Variants in GAD1 observed in about 807,000 individuals in gnomAD.
GAD1 encodes 67 kDa glutamic acid decarboxylase.
Under a neutral mutation model 75.2 loss-of-function variants are expected in GAD1, and 35 were observed. The observed-to-expected ratio is 0.47, with a 90% CI of 0.36 to 0.62. GAD1 has a LOEUF of 0.62. Among genes scored for constraint, GAD1 ranks in the 20% least tolerant of loss-of-function variants. The probability of loss-of-function intolerance (pLI) is 0.00; values close to 1 mark genes in which losing one functional copy is unlikely to be tolerated. For missense variants in GAD1, 490 were observed against 758.5 expected (o/e 0.65, Z 4.16); for synonymous variants, 257 against 271.9 (o/e 0.95, Z 0.54).
Position 170,818,222 on chromosome 2 carries a change from GACCCCC to G in GAD1, c.-63-301_-63-296del, listed in dbSNP as rs1263729262. The G allele has an allele frequency of 1.5e-5, 5 of 331,900 alleles. No homozygotes were observed. Among genetic ancestry groups the G allele is most frequent in the Non-Finnish European group, 2.3e-5 (4 of 171,388 alleles). The allele number at this position is 331,900 out of a possible 1,614,324, so 20.6% of individuals were successfully genotyped here. On this transcript the variant is annotated intron_variant, in intron 1 of 16. Transcript: ENST00000358196. The surrounding 1 kb of genome is among the most constrained non-coding windows in gnomAD (Gnocchi z 5.9). ...ACCCTTGCGTCTTGTACTGGCCTTG[GACCCCC>G]ACCCCGACCCCGACCCCGCCTCGTC...
chr2:170,853,912 C>G lies in GAD1; in HGVS notation c.1303C>G (p.Leu435Val). 6.2e-7 allele frequency: 1 copy of G among 1,614,044 alleles called. No homozygotes were observed. Among genetic ancestry groups the G allele is most frequent in the Non-Finnish European group, 8.5e-7 (1 of 1,179,992 alleles). Residue 435 changes from leucine (L) to valine (V), a missense_variant, in exon 14 of 17, where the codon CTC becomes GTC. This residue lies in a region of GAD1 where 324 missense variants were observed against 523.9 expected (regional missense o/e 0.62). Coordinates refer to ENST00000358196, the MANE Select transcript of GAD1 (RefSeq NM_000817.3). This position sits in a 1 kb window ranked among gnomAD's most constrained non-coding sequence, Gnocchi z 4.1. ...ATGCAACCAGATGTGTGCAGGATAC[C>G]TCTTCCAGCCAGACAAGCAGTATGA... ...QGCNQMCAGY[L>V]FQPDKQYDVS...
upstream of GAD1, among the ~76,000 whole-genome samples, chr2:170,815,383 C>T (rs951337966): frequency 6.6e-6 from 1 of 152,168 alleles, no homozygotes; most frequent in Non-Finnish European, 1.5e-5. Flanking sequence ...TCTTTAGTAC[C>T]AAAGGCAACG....
In GAD1 at chr2:170,853,135, G is replaced by C. The variant is rs2105808457; in HGVS notation, c.1263+343G>C. On this transcript the variant is annotated intron_variant, in intron 13 of 16. Transcript: ENST00000358196. The surrounding 1 kb of genome is among the most constrained non-coding windows in gnomAD (Gnocchi z 4.1). The stretch of plus-strand genomic sequence containing the variant: ...AGTTTTGTCCTCAGTGAGGACAAAA[G>C]CACTCACTGGAGCATACTCGGAGTT... 7 of 350,450 alleles carry C rather than the reference G, an allele frequency of 2.0e-5. No individual in the cohort carries two copies. Among genetic ancestry groups the C allele is most frequent in the South Asian group, 6.3e-5 (2 of 31,850 alleles). The allele number at this position is 350,450 out of a possible 1,614,324, so 21.7% of individuals were successfully genotyped here. A position where few individuals can be genotyped will look rare whatever the true frequency, so the allele number is the denominator to read the frequency against.
chr2:170,848,792 A>G (rs761516588), intron 11 of GAD1: 4 of 519,238 alleles, frequency 7.7e-6, no homozygotes, highest in Non-Finnish European at 1.5e-5. Flanking sequence ...AACATGCATC[A>G]TGGTACCCAC....
At chr2:170,830,613 G>A (rs1702197141) in intron 4 of GAD1, among the ~76,000 whole-genome samples, 1 of 152,218 alleles carries the variant, frequency 6.6e-6, no homozygotes, top group Non-Finnish European at 1.5e-5. Context: ...GGTCCCAGGG[G>A]AGCACGACAG....
At chr2:170,856,765 C>T (rs1420804929) in intron 14 of GAD1, among the ~76,000 whole-genome samples, 1 of 152,110 alleles carries the variant, frequency 6.6e-6, no homozygotes, top group Non-Finnish European at 1.5e-5. Flanking sequence ...CTAAAGCAAA[C>T]CAGAATCAGG....
rs1180164718 is a variant in GAD1 at position 170,836,809 on chromosome 2, C to T, written c.564C>T (p.Phe188=). Residue 188 remains phenylalanine, a synonymous_variant, in exon 6 of 17, where the codon TTC becomes TTT. Coordinates refer to ENST00000358196, the MANE Select transcript of GAD1 (RefSeq NM_000817.3). ...YGVRTGHPRF[F]NQLSTGLDII... is the part of the protein sequence containing the mutation. Reference sequence around the variant, plus strand: ...CCTATCTAGGTCATCCTCGATTTTTCAACCAGCTCTCCACTGGATTGGATA... The same window carrying T: ...CCTATCTAGGTCATCCTCGATTTTTTAACCAGCTCTCCACTGGATTGGATA... 2 of 1,613,696 alleles carry T rather than the reference C, an allele frequency of 1.2e-6. No individual in the cohort carries two copies. Among genetic ancestry groups the T allele is most frequent in the Non-Finnish European group, 1.7e-6 (2 of 1,179,708 alleles).
intron 1 of GAD1, 23 bp downstream of exon 1, chr2:170,817,071 G>GC (rs1275290253): frequency 6.3e-4 from 100 of 159,596 alleles, no homozygotes; most frequent in Admixed American, 1.0e-3. Flanking sequence ...GCGACCACCT[G>GC]GACTTCCCAG....
At chr2:170,815,601 A>C (rs1183844621), upstream of GAD1, among the ~76,000 whole-genome samples, 2 of 152,158 alleles carry the variant, frequency 1.3e-5, no homozygotes, top group Non-Finnish European at 2.9e-5. Flanking sequence ...CGTGCGCATA[A>C]ATAACCCCTG....
chr2:170,853,785 A>G lies in GAD1; in HGVS notation c.1264-88A>G. 1 of 1,318,634 alleles carries G rather than the reference A, an allele frequency of 7.6e-7. No homozygotes were observed. The highest frequency in any genetic ancestry group is 2.3e-5 in the East Asian group (1 of 43,462). The allele number at this position is 1,318,634 out of a possible 1,614,324, so 81.7% of individuals were successfully genotyped here. A position where few individuals can be genotyped will look rare whatever the true frequency, so the allele number is the denominator to read the frequency against. Reference sequence around the variant, plus strand: ...AGAAGAAAGATTGCATATGACCCCAAGCCCCTCCTTCCAAGCAGCCTAGTT... The same window carrying G: ...AGAAGAAAGATTGCATATGACCCCAGGCCCCTCCTTCCAAGCAGCCTAGTT... On this transcript the variant is annotated intron_variant, in intron 13 of 16. Coordinates refer to ENST00000358196, the MANE Select transcript of GAD1 (RefSeq NM_000817.3). This position sits in a 1 kb window ranked among gnomAD's most constrained non-coding sequence, Gnocchi z 4.1.
intron 14 of GAD1, among the ~76,000 whole-genome samples, chr2:170,856,611 TAG>T (rs1702858056): frequency 6.6e-6 from 1 of 152,262 alleles, no homozygotes; most frequent in Non-Finnish European, 1.5e-5. Context: ...TGTTTTTTAT[TAG>T]AGTCAACAGA....
intron 12 of GAD1, among the ~76,000 whole-genome samples, chr2:170,850,194 T>C (rs1324901176): frequency 6.6e-6 from 1 of 152,214 alleles, no homozygotes; most frequent in East Asian, 1.9e-4. Flanking sequence ...AAAGGTGTTA[T>C]CAACTAAGAG....
At position 170,849,356 on chromosome 2, in the gene GAD1, G is replaced by A. The variant is rs755825439; in HGVS notation, c.1184+6G>A. 2.1e-5 allele frequency: 34 copies of A among 1,613,916 alleles called. 1 individual carries two copies. Among genetic ancestry groups the A allele is most frequent in the Admixed American group, 5.0e-5 (3 of 59,980 alleles). ...AAACTCAACGGCATAGAAAGGTAACGGCCAGAACTCGCCAGGCCTCCTTCC... is the reference window on the plus strand; with the variant it reads ...AAACTCAACGGCATAGAAAGGTAACAGCCAGAACTCGCCAGGCCTCCTTCC... On this transcript the variant is annotated splice_donor_region_variant and intron_variant, in intron 12 of 16. Transcript: ENST00000358196.
At position 170,833,805 on chromosome 2, in the gene GAD1, C is replaced by T. The variant is rs536428424; in HGVS notation, c.547+2613C>T. Among the ~76,000 whole-genome samples the T allele has an allele frequency of 2.9e-5, 3 of 101,886 alleles. No homozygotes were observed. The South Asian group carries it at 8.7e-4, about 30-fold the overall frequency. The allele number at this position is 101,886 out of a possible 152,430, so 66.8% of individuals were successfully genotyped here. A position where few individuals can be genotyped will look rare whatever the true frequency, so the allele number is the denominator to read the frequency against. ...GGTGGATCACGCGAGCTCAGGAGTT[C>T]AAGACTAACCTGGGCAAAACCCCAT... On this transcript the variant is annotated intron_variant, in intron 5 of 16. Coordinates refer to ENST00000358196, the MANE Select transcript of GAD1 (RefSeq NM_000817.3).
chr2:170,828,015 G>A (rs1702064160), intron 3 of GAD1, among the ~76,000 whole-genome samples: 1 of 151,924 alleles, frequency 6.6e-6, no homozygotes, highest in South Asian at 2.1e-4. Context: ...AATCCTCTGT[G>A]TTGGACCTCA....
chr2:170,827,158 G>A lies in GAD1; in HGVS notation c.146-2317G>A, dbSNP rs3828274. Among the ~76,000 whole-genome samples, 2,992 of 152,150 alleles carry A rather than the reference G, an allele frequency of 0.02. 202 individuals are homozygous for A. In the East Asian group the frequency reaches 0.26, roughly 13 times the overall value. On this transcript the variant is annotated intron_variant, in intron 3 of 16. Coordinates refer to ENST00000358196, the MANE Select transcript of GAD1 (RefSeq NM_000817.3). ...TAGCCCCTGGCTCCCTTGTGTGGGAGGATTCTAATCACCGCAGCCCTCCCA... is the reference window on the plus strand; with the variant it reads ...TAGCCCCTGGCTCCCTTGTGTGGGAAGATTCTAATCACCGCAGCCCTCCCA...
At chr2:170,849,690 T>TATCA (rs769413776) in intron 12 of GAD1, among the ~76,000 whole-genome samples, 16 of 152,234 alleles carry the variant, frequency 1.1e-4, no homozygotes, top group Admixed American at 2.0e-4. Flanking sequence ...CTCTAATAGC[T>TATCA]ATCAATCAAT....
rs993033660 is a variant in GAD1 at position 170,846,006 on chromosome 2, T to C, written c.948-3T>C. ...AATTTCCCTCCTTTTCCAATAATTA[T>C]AGGGGGAAAATAATTCCAGCTGATT... On this transcript the variant is annotated splice_region_variant and splice_polypyrimidine_tract_variant and intron_variant, in intron 9 of 16. Transcript: ENST00000358196. 3 of 1,612,808 alleles carry C rather than the reference T, an allele frequency of 1.9e-6. No individual in the cohort carries two copies. The highest frequency in any genetic ancestry group is 2.5e-6 in the Non-Finnish European group (3 of 1,178,832).
At chr2:170,858,633 G>C (rs1702900691) in intron 15 of GAD1, among the ~76,000 whole-genome samples, 171 bp from the exon 16 acceptor site, 1 of 152,138 alleles carries the variant, frequency 6.6e-6, no homozygotes, top group Non-Finnish European at 1.5e-5. Flanking sequence ...CATATGATTG[G>C]ATAAATGAGG....
Sources: allele counts gnomAD v4.1 joint callset (sites outside exome capture counted in the v4.1 genomes callset), GRCh38; gene constraint gnomAD v4.1.1; regional missense constraint gnomAD v4.1.1; non-coding constraint Gnocchi (gnomAD v3.1); transcripts MANE v1.5; gene names NCBI Gene and HGNC (gene_info 2026-07-23, HGNC 2026-07-21).